The following RAB3B variants were observed in gnomAD, a reference collection of about 807,000 sequenced individuals.
RAB3B encodes RAB3B, member RAS oncogene family.
Under a neutral mutation model 20.5 loss-of-function variants are expected in RAB3B, and 11 were observed. That is an observed-to-expected ratio of 0.54 (90% CI 0.34 to 0.89). RAB3B has a LOEUF of 0.89. Among genes scored for constraint, RAB3B ranks in the 40% least tolerant of loss-of-function variants. The pLI, the probability that RAB3B is intolerant of heterozygous loss-of-function variation, is 0.02. For synonymous variants in RAB3B, 99 were observed against 106.3 expected (o/e 0.93, Z 0.42); for missense variants, 225 against 280.9 (o/e 0.80, Z 1.42).
chr1:51,975,917 G>A (rs981992893), intron 2 of RAB3B, among the ~76,000 whole-genome samples: 6 of 151,794 alleles, frequency 4.0e-5, no homozygotes, highest in Admixed American at 6.6e-5. Flanking sequence ...GCTTGAACCC[G>A]GGAGGCGGAA....
At chr1:51,966,017 T>C (rs1307700781) in intron 2 of RAB3B, among the ~76,000 whole-genome samples, 2 of 152,222 alleles carry the variant, frequency 1.3e-5, no homozygotes, top group Non-Finnish European at 2.9e-5. Flanking sequence ...CTGCAATGCA[T>C]TTCAATGTGT....
chr1:51,937,789 G>A (rs547930894), intron 2 of RAB3B, among the ~76,000 whole-genome samples: 26 of 152,074 alleles, frequency 1.7e-4, no homozygotes, highest in African/African-American at 4.8e-4. Flanking sequence ...GAGCCACCGC[G>A]CCCAACCCAA....
At chr1:51,930,751 C>T (rs1684312213) in intron 4 of RAB3B, among the ~76,000 whole-genome samples, 1 of 152,196 alleles carries the variant, frequency 6.6e-6, no homozygotes, top group Non-Finnish European at 1.5e-5. Context: ...CAAGGTGGCT[C>T]ATGCCTATAA....
intron 4 of RAB3B, among the ~76,000 whole-genome samples, chr1:51,931,936 G>A (rs985605578): frequency 9.2e-5 from 14 of 152,152 alleles, no homozygotes; most frequent in East Asian, 1.9e-4. Flanking sequence ...TAAAGGGACC[G>A]TCTAAAGTTC....
intron 4 of RAB3B, among the ~76,000 whole-genome samples, chr1:51,924,654 C>T (rs1684219566): frequency 6.6e-6 from 1 of 152,190 alleles, no homozygotes; most frequent in Non-Finnish European, 1.5e-5. Context: ...GATGTCTTTA[C>T]TGTCATCTCA....
rs1683969738 is a variant in RAB3B, at chr1:51,909,663, G to T, written c.*10264C>A. The T allele has an allele frequency of 1.3e-5, 2 of 152,190 alleles. No individual in the cohort carries two copies. The highest frequency in any genetic ancestry group is 1.3e-4 in the Admixed American group (2 of 15,252). The allele number at this position is 152,190 out of a possible 1,614,324, so 9.4% of individuals were successfully genotyped here. A position where few individuals can be genotyped will look rare whatever the true frequency, so the allele number is the denominator to read the frequency against. ...CCCTACTTTAACCCAGCCCAACAAG[G>T]TCATGCTACAGAGCTGCTCATGGCA... On this transcript the variant is annotated 3_prime_UTR_variant, in exon 5 of 5. Coordinates refer to ENST00000371655, the MANE Select transcript of RAB3B (RefSeq NM_002867.4).
intron 1 of RAB3B, among the ~76,000 whole-genome samples, chr1:51,985,113 A>C (rs1380141363): frequency 6.6e-6 from 1 of 152,206 alleles, no homozygotes; most frequent in Non-Finnish European, 1.5e-5. Flanking sequence ...GCTTGGTACA[A>C]ATAGAAAGAG....
intron 2 of RAB3B, among the ~76,000 whole-genome samples, chr1:51,972,012 C>A (rs1207921609): frequency 6.6e-6 from 1 of 152,110 alleles, no homozygotes; most frequent in Non-Finnish European, 1.5e-5. Flanking sequence ...GAAACCCCAT[C>A]TCTACTAAAA....
chr1:51,958,720 G>A (rs1463336913), intron 2 of RAB3B, among the ~76,000 whole-genome samples: 1 of 131,410 alleles, frequency 7.6e-6, no homozygotes, highest in Non-Finnish European at 1.7e-5. Context: ...CAAAAACTCA[G>A]TCTCAAAAAA....
At position 51,912,156 on chromosome 1, in the gene RAB3B, GCT is replaced by G; in HGVS notation, c.*7769_*7770del. 7.9e-6 allele frequency: 1 copy of G among 126,926 alleles called. No individual in the cohort carries two copies. The highest frequency in any genetic ancestry group is 1.6e-5 in the Non-Finnish European group (1 of 62,928). The allele number at this position is 126,926 out of a possible 1,614,324, so 7.9% of individuals were successfully genotyped here. ...TTTTTTGAGAGGGGGACAGGGTCTT[GCT>G]CTGTCACCCAGGCTGGAGTGGCACA... On this transcript the variant is annotated 3_prime_UTR_variant, in exon 5 of 5. Coordinates refer to ENST00000371655, the MANE Select transcript of RAB3B (RefSeq NM_002867.4).
intron 4 of RAB3B, among the ~76,000 whole-genome samples, chr1:51,923,242 G>T (rs1473815954): frequency 6.6e-6 from 1 of 152,156 alleles, no homozygotes; most frequent in Non-Finnish European, 1.5e-5. Context: ...ATGGGCCAGG[G>T]GTCTATCCCT....
At chr1:51,925,508 A>G (rs1343816362) in intron 4 of RAB3B, among the ~76,000 whole-genome samples, 1 of 152,140 alleles carries the variant, frequency 6.6e-6, no homozygotes, top group East Asian at 1.9e-4. Flanking sequence ...AACACCCAAG[A>G]CCTGGCATGG....
At chr1:51,983,150 T>C (rs1235722200) in intron 1 of RAB3B, among the ~76,000 whole-genome samples, 1 of 152,078 alleles carries the variant, frequency 6.6e-6, no homozygotes, top group Non-Finnish European at 1.5e-5. Context: ...GGTCAGGAGA[T>C]AGAGACCAGC....
At chr1:51,983,522 T>C (rs1229707412) in intron 1 of RAB3B, among the ~76,000 whole-genome samples, 1 of 152,240 alleles carries the variant, frequency 6.6e-6, no homozygotes, top group East Asian at 1.9e-4. Flanking sequence ...ACCATATAGG[T>C]TTGTGTAAGT....
chr1:51,980,429 C>G (rs1047999608), intron 1 of RAB3B: 18 of 386,298 alleles, frequency 4.7e-5, no homozygotes, highest in African/African-American at 4.6e-4. Flanking sequence ...CTGTCTCTAC[C>G]AAAAAAAAAA....
At chr1:51,979,168 C>T in intron 1 of RAB3B, among the ~76,000 whole-genome samples, 1 of 152,056 alleles carries the variant, frequency 6.6e-6, no homozygotes, top group East Asian at 1.9e-4. Context: ...AGGGAGGGTG[C>T]CATTGGCTGC....
intron 1 of RAB3B, among the ~76,000 whole-genome samples, chr1:51,983,175 G>GA (rs1456332815): frequency 4.6e-5 from 7 of 152,046 alleles, no homozygotes; most frequent in Admixed American, 2.6e-4. Context: ...CCAACATGAT[G>GA]AAACTCCATC....
At chr1:51,929,484 T>C (rs957782936) in intron 4 of RAB3B, among the ~76,000 whole-genome samples, 2 of 152,104 alleles carry the variant, frequency 1.3e-5, no homozygotes, top group Admixed American at 1.3e-4. Flanking sequence ...CGGCTAATTT[T>C]TGTATTTTTA....
rs1424121219 is a variant in RAB3B, at chr1:51,911,078, G to A, written c.*8849C>T. ...CTCTCAAGATGGCGGATGTCACTGA[G>A]ATGGCTGAGAAATAGGAACGGATGT... On this transcript the variant is annotated 3_prime_UTR_variant, in exon 5 of 5. Transcript: ENST00000371655. 1 of 152,254 alleles carries A rather than the reference G, an allele frequency of 6.6e-6. No individual in the cohort carries two copies. The highest frequency in any genetic ancestry group is 1.5e-5 in the Non-Finnish European group (1 of 68,070). 9.4% of individuals were successfully genotyped at this position (152,254 alleles called of 1,614,324 possible). A position where few individuals can be genotyped will look rare whatever the true frequency, so the allele number is the denominator to read the frequency against.
Sources: allele counts gnomAD v4.1 joint callset (sites outside exome capture counted in the v4.1 genomes callset), GRCh38; gene constraint gnomAD v4.1.1; transcripts MANE v1.5; gene names NCBI Gene and HGNC (gene_info 2026-07-23, HGNC 2026-07-21).